Variants in VRK1 observed in about 807,000 individuals in gnomAD.
VRK1 encodes serine/threonine-protein kinase VRK1.
A neutral mutation model predicts 57.1 loss-of-function variants in VRK1; 33 were observed. The observed-to-expected ratio is 0.58, with a 90% CI of 0.44 to 0.77. VRK1 has a LOEUF of 0.77. Among genes scored for constraint, VRK1 ranks in the 30% least tolerant of loss-of-function variants. The pLI, the probability that VRK1 is intolerant of heterozygous loss-of-function variation, is 0.00. For synonymous variants in VRK1, 137 were observed against 147.8 expected, an observed-to-expected ratio of 0.93 and a Z score of 0.53; for missense variants, 413 against 477.3, an observed-to-expected ratio of 0.87 and a Z score of 1.25.
At chr14:96,803,235 G>C (rs1380322380) in intron 1 of VRK1, among the ~76,000 whole-genome samples, 1 of 148,636 alleles carries the variant, frequency 6.7e-6, no homozygotes, top group Non-Finnish European at 1.5e-5. Flanking sequence ...GCAATGGTGT[G>C]ATCTCAGCTC....
chr14:96,824,421 C>CT (rs1886720778), intron 1 of VRK1, among the ~76,000 whole-genome samples: 1 of 152,078 alleles, frequency 6.6e-6, no homozygotes, highest in African/African-American at 2.4e-5. Flanking sequence ...TTGAGTGCTT[C>CT]TGGGCAGGCA....
At chr14:96,798,340 G>GAC (rs769334734) in intron 1 of VRK1, among the ~76,000 whole-genome samples, 2 of 152,108 alleles carry the variant, frequency 1.3e-5, no homozygotes, top group Non-Finnish European at 2.9e-5. Context: ...AATTAAATTC[G>GAC]ACAGACAGCA....
chr14:96,811,299 G>T (rs1488960899), intron 1 of VRK1, among the ~76,000 whole-genome samples: 1 of 152,162 alleles, frequency 6.6e-6, no homozygotes, highest in African/African-American at 2.4e-5. Context: ...AGTCATGGTA[G>T]AAGACACCAA....
Position 96,881,215 on chromosome 14 carries a change from T to G in VRK1, c.*7T>G. The G allele has an allele frequency of 6.2e-7, 1 of 1,602,426 alleles. No homozygotes were observed. Among genetic ancestry groups the G allele is most frequent in the Non-Finnish European group, 8.5e-7 (1 of 1,173,418 alleles). On this transcript the variant is annotated 3_prime_UTR_variant, in exon 13 of 13. Transcript: ENST00000216639. ...AAAGAGAGTCCAGAAGTAATTCAGA[T>G]GCTGTGAACCAGATTTCCTTTTCTT...
chr14:96,832,872 C>T (rs1566696095), intron 1 of VRK1, among the ~76,000 whole-genome samples: 1 of 152,042 alleles, frequency 6.6e-6, no homozygotes, highest in South Asian at 2.1e-4. Flanking sequence ...AGGTGGTCAC[C>T]GGTGCAATTT....
intron 1 of VRK1, among the ~76,000 whole-genome samples, chr14:96,808,568 TC>T (rs1886009833): frequency 6.6e-6 from 1 of 152,040 alleles, no homozygotes; most frequent in Non-Finnish European, 1.5e-5. Context: ...CAGTAGTTAC[TC>T]CCACCCAAGG....
At chr14:96,871,892 C>T (rs1318220468) in intron 11 of VRK1, among the ~76,000 whole-genome samples, 2 of 152,054 alleles carry the variant, frequency 1.3e-5, no homozygotes, top group Admixed American at 1.3e-4. Context: ...GTGATCTTGG[C>T]TCACTGCAAC....
At chr14:96,868,816 T>G (rs919653645) in intron 11 of VRK1, among the ~76,000 whole-genome samples, 17 of 151,772 alleles carry the variant, frequency 1.1e-4, no homozygotes, top group Non-Finnish European at 2.4e-4. Context: ...TTTTTTTTTT[T>G]TTTGAGACAG....
intron 1 of VRK1, among the ~76,000 whole-genome samples, chr14:96,809,349 A>G (rs1292620845): frequency 2.0e-5 from 3 of 152,214 alleles, no homozygotes; most frequent in Non-Finnish European, 4.4e-5. Flanking sequence ...TTTAAAAACT[A>G]CCACAAATTA....
intron 9 of VRK1, 125 bp downstream of exon 9, chr14:96,856,375 A>G (rs1031006968): frequency 1.4e-6 from 2 of 1,393,088 alleles, no homozygotes; most frequent in African/African-American, 1.4e-5. Context: ...TACTTGTTAA[A>G]CAGTAAGGTT....
chr14:96,856,852 C>T (rs556337210), intron 10 of VRK1, among the ~76,000 whole-genome samples: 1 of 152,240 alleles, frequency 6.6e-6, no homozygotes, highest in African/African-American at 2.4e-5. Context: ...CCTGTGGTCC[C>T]AGCTACTTGG....
chr14:96,877,436 C>T, intron 12 of VRK1: 1 of 1,215,340 alleles, frequency 8.2e-7, no homozygotes, highest in East Asian at 5.7e-5. Flanking sequence ...CTTTTTCCCG[C>T]TGCTGTCTTC....
intron 3 of VRK1, among the ~76,000 whole-genome samples, chr14:96,843,797 A>G (rs1887564536): frequency 6.6e-6 from 1 of 152,196 alleles, no homozygotes; most frequent in Non-Finnish European, 1.5e-5. Context: ...CTAGAGTGCA[A>G]TGCCAAGGAA....
intron 1 of VRK1, among the ~76,000 whole-genome samples, chr14:96,831,048 G>A (rs1886985619): frequency 1.3e-5 from 2 of 152,130 alleles, no homozygotes; most frequent in South Asian, 4.1e-4. Context: ...TCCTGGCTGT[G>A]GGAGTGGCAG....
At chr14:96,839,558 G>A (rs78474937) in intron 3 of VRK1, among the ~76,000 whole-genome samples, 19,812 of 152,192 alleles carry the variant, frequency 0.13, 1,641 homozygotes, top group Non-Finnish European at 0.19. Context: ...GTATGTAGAT[G>A]TGACTTATAG....
chr14:96,827,911 A>C (rs1886862054), intron 1 of VRK1, among the ~76,000 whole-genome samples: 1 of 152,194 alleles, frequency 6.6e-6, no homozygotes, highest in Non-Finnish European at 1.5e-5. Flanking sequence ...AACATGAACC[A>C]ATTGTTTAAA....
chr14:96,861,924 A>G (rs1263711828), intron 11 of VRK1, among the ~76,000 whole-genome samples: 2 of 152,208 alleles, frequency 1.3e-5, no homozygotes, highest in African/African-American at 2.4e-5. Context: ...ACATGCATAA[A>G]CAAGCAGCAT....
intron 10 of VRK1, chr14:96,859,074 G>T (rs901003946): frequency 6.1e-4 from 93 of 152,216 alleles, no homozygotes; most frequent in African/African-American, 2.2e-3. Context: ...TCTCAACTGT[G>T]TTTTATAGTC....
chr14:96,811,024 G>A (rs1425017142), intron 1 of VRK1, among the ~76,000 whole-genome samples: 1 of 151,892 alleles, frequency 6.6e-6, no homozygotes, highest in South Asian at 2.1e-4. Flanking sequence ...CCGCCTCCTG[G>A]GTTCAAGCGG....
Sources: gnomAD v4.1 joint callset for allele counts (sites outside exome capture counted in the v4.1 genomes callset) on GRCh38, gnomAD v4.1.1 for gene constraint, MANE v1.5 for transcripts, NCBI Gene and HGNC (gene_info 2026-07-23, HGNC 2026-07-21) for gene names.